Variants in GASK1A observed in about 807,000 individuals in gnomAD.
GASK1A encodes the protein golgi associated kinase 1A.
A neutral mutation model predicts 41.2 loss-of-function variants in GASK1A; 40 were observed. The ratio of observed to expected loss-of-function variants is 0.97; its 90% CI spans 0.75 to 1.27. The LOEUF (loss-of-function observed/expected upper bound fraction) is 1.27, where lower values mean the gene tolerates loss of function less well. Among genes scored for constraint, GASK1A ranks in the 50% most tolerant of loss-of-function variants. The probability of loss-of-function intolerance (pLI) is 0.00; values close to 1 mark genes in which losing one functional copy is unlikely to be tolerated. For synonymous variants in GASK1A, 316 were observed against 307.1 expected (o/e 1.03, Z -0.30); for missense variants, 678 against 745.1 (o/e 0.91, Z 1.05).
intron 1 of GASK1A, among the ~76,000 whole-genome samples, chr3:43,008,504 G>A (rs1425237094): frequency 6.6e-6 from 1 of 152,204 alleles, no homozygotes; most frequent in African/African-American, 2.4e-5. Flanking sequence ...TCAGTGTACA[G>A]GCTTCCTATC....
At position 43,024,838 on chromosome 3, in the gene GASK1A, T is replaced by G. The variant is rs115721988; in HGVS notation, c.4-7429T>G. Among the ~76,000 whole-genome samples, 826 of 152,176 alleles carry G rather than the reference T, an allele frequency of 5.4e-3. 7 individuals are homozygous for G. Among genetic ancestry groups the G allele is most frequent in the African/African-American group, 0.019 (779 of 41,516 alleles). On this transcript the variant is annotated intron_variant, in intron 1 of 4. Coordinates refer to ENST00000430121, the MANE Select transcript of GASK1A (RefSeq NM_001129908.3). ...GAGCGACAGACATTAAATGATCAAA[T>G]CCAGTACAGAGTGAAAAGGGGTGTG...
intron 2 of GASK1A, among the ~76,000 whole-genome samples, chr3:43,036,612 C>T (rs781484396): frequency 6.6e-6 from 1 of 152,204 alleles, no homozygotes; most frequent in African/African-American, 2.4e-5. Context: ...GTGTAACAAA[C>T]CTCCAAAACT....
In GASK1A at chr3:42,986,022, C is replaced by T. The variant is rs550779226; in HGVS notation, c.3+6377C>T. Among the ~76,000 whole-genome samples the T allele has an allele frequency of 2.0e-5, 3 of 152,298 alleles. No homozygotes were observed. In the South Asian group the frequency reaches 6.2e-4, roughly 32 times the overall value. On this transcript the variant is annotated intron_variant, in intron 1 of 4. Transcript: ENST00000430121. ...ATGAAAACATATGTCTACAAAAAAA[C>T]CTGATGCAAATGTTTATAACAGCTT...
At chr3:43,046,751 G>A (rs1383054878) in intron 2 of GASK1A, among the ~76,000 whole-genome samples, 1 of 152,194 alleles carries the variant, frequency 6.6e-6, no homozygotes, top group Non-Finnish European at 1.5e-5. Flanking sequence ...CTGGGAGGAG[G>A]AAATGGTTGT....
chr3:43,043,873 T>C (rs2089649362), intron 2 of GASK1A, among the ~76,000 whole-genome samples: 1 of 152,222 alleles, frequency 6.6e-6, no homozygotes, highest in Non-Finnish European at 1.5e-5. Context: ...TTGGTCTTGT[T>C]TGGCTGCTAG....
chr3:42,985,579 GTGTGTGT>G lies in GASK1A; in HGVS notation c.3+5935_3+5941del, dbSNP rs1486743212. Among the ~76,000 whole-genome samples, 17 of 148,672 alleles carry G rather than the reference GTGTGTGT, an allele frequency of 1.1e-4. 1 individual carries two copies. The South Asian group carries it at 2.0e-3, about 17-fold the overall frequency. ...TGTGTGTGTGTGTGTGTGTGTGTGT[GTGTGTGT>G]GGGCGGAGGCAGGGGAGCAGGTGGT... is the stretch of plus-strand genomic sequence containing the variant. On this transcript the variant is annotated intron_variant, in intron 1 of 4. Transcript: ENST00000430121.
At chr3:43,040,882 C>CG (rs1553615994) in intron 2 of GASK1A, among the ~76,000 whole-genome samples, 1 of 129,688 alleles carries the variant, frequency 7.7e-6, no homozygotes, top group African/African-American at 2.7e-5. Context: ...TCCCTCCCCC[C>CG]CGCCACAACA....
intron 2 of GASK1A, chr3:43,037,058 T>A: frequency 1.9e-6 from 1 of 519,406 alleles, no homozygotes. Flanking sequence ...TGTGAAAAAT[T>A]AAGAGCATGC....
At chr3:43,024,114 C>T (rs6805956) in intron 1 of GASK1A, among the ~76,000 whole-genome samples, 190 of 152,182 alleles carry the variant, frequency 1.2e-3, no homozygotes, top group African/African-American at 4.5e-3. Context: ...GAAGGACTGC[C>T]CCTCCGAGGG....
intron 2 of GASK1A, among the ~76,000 whole-genome samples, chr3:43,042,764 C>T (rs2089644189): frequency 6.6e-6 from 1 of 152,168 alleles, no homozygotes. Context: ...TATAGTCCTT[C>T]TCAATCCAGC....
At chr3:42,987,879 G>T (rs1055975275) in intron 1 of GASK1A, among the ~76,000 whole-genome samples, 5 of 151,622 alleles carry the variant, frequency 3.3e-5, no homozygotes, top group Non-Finnish European at 7.4e-5. Flanking sequence ...GGTGCCTGTA[G>T]TCCCAGCTGC....
chr3:43,037,948 C>G (rs929242549), intron 2 of GASK1A, among the ~76,000 whole-genome samples: 3 of 152,198 alleles, frequency 2.0e-5, no homozygotes. Flanking sequence ...GTTTTTCTTT[C>G]TTAAATTTCA....
intron 1 of GASK1A, among the ~76,000 whole-genome samples, chr3:43,030,090 G>A (rs1177495378): frequency 2.0e-5 from 3 of 152,152 alleles, no homozygotes; most frequent in East Asian, 3.9e-4. Flanking sequence ...TCCACCTCCC[G>A]GGTTCAAGCG....
intron 1 of GASK1A, among the ~76,000 whole-genome samples, chr3:43,005,143 C>T (rs2089429817): frequency 6.6e-6 from 1 of 152,170 alleles, no homozygotes; most frequent in African/African-American, 2.4e-5. Context: ...ACATCGGGCC[C>T]ATCAGATGAT....
intron 1 of GASK1A, among the ~76,000 whole-genome samples, chr3:43,001,078 C>T (rs1359070581): frequency 6.6e-6 from 1 of 152,164 alleles, no homozygotes; most frequent in Non-Finnish European, 1.5e-5. Flanking sequence ...TTCTCTTCCC[C>T]TCCTCCACCC....
At chr3:42,996,091 G>A (rs1325637388) in intron 1 of GASK1A, among the ~76,000 whole-genome samples, 1 of 149,694 alleles carries the variant, frequency 6.7e-6, no homozygotes, top group African/African-American at 2.4e-5. Context: ...TATAATCAAC[G>A]TGGAGACTGG....
chr3:43,050,048 G>T (rs1240186460), intron 2 of GASK1A, among the ~76,000 whole-genome samples: 1 of 110,356 alleles, frequency 9.1e-6, no homozygotes. Flanking sequence ...AAAAAAAGAA[G>T]TCCAGAACAA....
intron 4 of GASK1A, 122 bp downstream of exon 4, chr3:43,055,657 G>A (rs2089712536): frequency 1.4e-6 from 1 of 721,134 alleles, no homozygotes; most frequent in Non-Finnish European, 2.4e-6. Context: ...GAAGTTATTG[G>A]ATCAGAACTT....
rs2089712096 is a variant in GASK1A at position 43,055,541 on chromosome 3, G to A, written c.1517+6G>A. On this transcript the variant is annotated splice_donor_region_variant and intron_variant, in intron 4 of 4. Transcript: ENST00000430121. ...CTGCTGGAGGGCATAGATGGGTGAG[G>A]GTCAAAAGGGTTGGGTGGAAGTTCA... The A allele has an allele frequency of 4.5e-6, 7 of 1,547,612 alleles. No individual in the cohort carries two copies. The highest frequency in any genetic ancestry group is 1.4e-5 in the African/African-American group (1 of 72,948).
Sources: allele counts gnomAD v4.1 joint callset (sites outside exome capture counted in the v4.1 genomes callset), GRCh38; gene constraint gnomAD v4.1.1; transcripts MANE v1.5; gene names NCBI Gene and HGNC (gene_info 2026-07-23, HGNC 2026-07-21).